The following MYSM1 variants were observed in gnomAD, a reference collection of about 807,000 sequenced individuals.
The protein encoded by MYSM1 is deubiquitinase MYSM1.
In MYSM1, 51 loss-of-function variants were observed where a neutral mutation model predicts 116.0. The observed-to-expected ratio is 0.44, with a 90% CI of 0.35 to 0.56. The LOEUF (loss-of-function observed/expected upper bound fraction) is 0.56. Among genes scored for constraint, MYSM1 ranks in the 20% least tolerant of loss-of-function variants. MYSM1 has a pLI of 0.00. For synonymous variants in MYSM1, 313 were observed against 315.2 expected (o/e 0.99, Z 0.07); for missense variants, 900 against 974.9 (o/e 0.92, Z 1.02).
intron 7 of MYSM1, 67 bp from the exon 8 acceptor site, chr1:58,682,612 A>T: frequency 7.4e-6 from 10 of 1,356,922 alleles, no homozygotes; most frequent in Non-Finnish European, 9.8e-6. Context: ...TGGTACACAC[A>T]AAAAAGGATA....
Position 58,673,673 on chromosome 1 carries a change from C to A in MYSM1, c.1495-23G>T, listed in dbSNP as rs1557512424. On this transcript the variant is annotated intron_variant, in intron 10 of 19. Transcript: ENST00000472487. ...ACGCTGCGATGAGATTAAAGTAAAG[C>A]AAAAGGTAGCAAGATTAATATGGAG... 6 of 1,590,976 alleles carry A rather than the reference C, an allele frequency of 3.8e-6. No individual in the cohort carries two copies. The South Asian group carries it at 6.6e-5, about 18-fold the overall frequency.
At chr1:58,665,468 G>C (rs1180908720) in intron 17 of MYSM1, 31 bp downstream of exon 17, 2 of 1,511,108 alleles carry the variant, frequency 1.3e-6, no homozygotes, top group Non-Finnish European at 1.8e-6. Flanking sequence ...AGAGTAGAAA[G>C]AGGATAAAGT....
intron 17 of MYSM1, among the ~76,000 whole-genome samples, chr1:58,664,779 G>A (rs1458762858): frequency 6.6e-6 from 1 of 152,216 alleles, no homozygotes; most frequent in Non-Finnish European, 1.5e-5. Context: ...TAATGGGGAA[G>A]AGTACAATGT....
intron 17 of MYSM1, among the ~76,000 whole-genome samples, chr1:58,664,571 T>C (rs537894955): frequency 6.6e-6 from 1 of 152,296 alleles, no homozygotes; most frequent in East Asian, 1.9e-4. Flanking sequence ...ATAAAGCAAC[T>C]AATAGTAAAT....
chr1:58,677,199 C>T (rs998851830), intron 8 of MYSM1, 143 bp from the exon 9 acceptor site: 2 of 546,460 alleles, frequency 3.7e-6, no homozygotes, highest in Non-Finnish European at 6.1e-6. Context: ...AATACTAATA[C>T]ATAATACCCA....
chr1:58,657,397 A>G lies in MYSM1; in HGVS notation c.*2600T>C, dbSNP rs978451506. 1 of 152,054 alleles carries G rather than the reference A, an allele frequency of 6.6e-6. No individual in the cohort carries two copies. The highest frequency in any genetic ancestry group is 1.5e-5 in the Non-Finnish European group (1 of 68,014). The allele number at this position is 152,054 out of a possible 1,614,324, so 9.4% of individuals were successfully genotyped here. ...GTTCCTTTGAGACTCTGCCTCCTGAACTTCCTGTATCATAGGCCCCCTCAG... is the reference window on the plus strand; with the variant it reads ...GTTCCTTTGAGACTCTGCCTCCTGAGCTTCCTGTATCATAGGCCCCCTCAG... On this transcript the variant is annotated 3_prime_UTR_variant, in exon 20 of 20. Coordinates refer to ENST00000472487, the MANE Select transcript of MYSM1 (RefSeq NM_001085487.3).
chr1:58,694,671 T>C (rs1486408934), intron 2 of MYSM1, among the ~76,000 whole-genome samples: 2 of 149,306 alleles, frequency 1.3e-5, no homozygotes, highest in East Asian at 1.9e-4. Context: ...GACAATCCCA[T>C]TTTTTTTTTC....
chr1:58,697,621 C>T (rs1373564354), intron 1 of MYSM1, among the ~76,000 whole-genome samples: 7 of 149,626 alleles, frequency 4.7e-5, no homozygotes, highest in African/African-American at 1.5e-4. Context: ...TGGCGTTTTG[C>T]TCTTGTTGCC....
At position 58,682,514 on chromosome 1, in the gene MYSM1, T is replaced by G; in HGVS notation, c.530A>C (p.Asn177Thr). 6.2e-7 allele frequency: 1 copy of G among 1,612,788 alleles called. No homozygotes were observed. Among genetic ancestry groups the G allele is most frequent in the Non-Finnish European group, 8.5e-7 (1 of 1,179,466 alleles). ...TTGAAGATTATGGCCGGTCTTCTGA[T>G]TTGGTGTTTCTTTATCCAGACCGCA... Reference protein sequence around the residue: ...VKCGLDKETPNQKTGHNLQVK... With the variant: ...VKCGLDKETPTQKTGHNLQVK... Residue 177 changes from asparagine (N) to threonine (T), a missense_variant, in exon 8 of 20, where the codon AAT (asparagine) becomes ACT (threonine). Transcript: ENST00000472487.
At chr1:58,683,930 T>TA (rs1644785799) in intron 7 of MYSM1, among the ~76,000 whole-genome samples, 1 of 152,206 alleles carries the variant, frequency 6.6e-6, no homozygotes, top group South Asian at 2.1e-4. Flanking sequence ...TGTATCCTTC[T>TA]ACCCCAGGTC....
chr1:58,661,375 A>T (rs1644389509), intron 18 of MYSM1, 31 bp downstream of exon 18: 9 of 1,377,616 alleles, frequency 6.5e-6, no homozygotes, highest in Non-Finnish European at 9.3e-6. Flanking sequence ...AACACTGCAG[A>T]TGTGCAACCA....
intron 14 of MYSM1, 124 bp downstream of exon 14, chr1:58,668,508 C>G: frequency 7.3e-7 from 1 of 1,372,358 alleles, no homozygotes; most frequent in Non-Finnish European, 9.4e-7. Flanking sequence ...TTTTTAGATT[C>G]CTTGTAAAAG....
At chr1:58,669,836 C>CAAAAAAAAAAAA (rs58828009) in intron 12 of MYSM1, among the ~76,000 whole-genome samples, 1 of 14,610 alleles carries the variant, frequency 6.8e-5, no homozygotes, top group African/African-American at 2.7e-4. Context: ...ACCCTGTCTC[C>CAAAAAAAAAAAA]AAAAAAAAAA....
Position 58,682,303 on chromosome 1 carries a change from T to A in MYSM1, c.741A>T (p.Leu247Phe). ...PQKNSSSDLL[L>F]DFPNSKMHET... Reference sequence around the variant, plus strand: ...CATGCATTTTACTATTAGGAAAGTCTAACAAGAGATCACTGCTAGAATTCT... The same window carrying A: ...CATGCATTTTACTATTAGGAAAGTCAAACAAGAGATCACTGCTAGAATTCT... The change falls in exon 8 of 20, where the codon TTA becomes TTT. Residue 247 changes from leucine to phenylalanine, a missense_variant. Around this residue, in one of 3 missense-constraint regions of MYSM1, gnomAD observed 622 missense variants for 623.7 expected, o/e 1.00. Transcript: ENST00000472487. The A allele has an allele frequency of 6.2e-7, 1 of 1,613,076 alleles. No homozygotes were observed. The highest frequency in any genetic ancestry group is 8.5e-7 in the Non-Finnish European group (1 of 1,179,256).
intron 17 of MYSM1, among the ~76,000 whole-genome samples, chr1:58,664,451 G>A (rs1227913227): frequency 1.3e-5 from 2 of 152,002 alleles, no homozygotes; most frequent in Non-Finnish European, 2.9e-5. Context: ...ATAAGACACA[G>A]TCCCTGCTCT....
intron 2 of MYSM1, among the ~76,000 whole-genome samples, chr1:58,694,487 G>A (rs1320157413): frequency 6.6e-6 from 1 of 152,092 alleles, no homozygotes; most frequent in East Asian, 1.9e-4. Context: ...TGGGCGGGGT[G>A]GCACACGCCT....
At position 58,699,995 on chromosome 1, in the gene MYSM1, C is replaced by G. The variant is rs1025073405; in HGVS notation, c.58G>C (p.Ala20Pro). The change falls in exon 1 of 20, where the codon GCA becomes CCA. Residue 20 changes from alanine to proline, a missense_variant. This residue lies in a region of MYSM1 where 622 missense variants were observed against 623.7 expected (regional missense o/e 1.00). Transcript: ENST00000472487. The part of the protein sequence containing the change: ...IEGDVVAAAG[A>P]QPGSGENTAS... ...GTCTCTAAGCCTCACCCTGGCTGTG[C>G]CCCCGCCGCCGCTACCACGTCCCCT... is the stretch of plus-strand genomic sequence containing the variant. 12 of 1,613,354 alleles carry G rather than the reference C, an allele frequency of 7.4e-6. No homozygotes were observed. The East Asian group carries it at 2.5e-4, about 33-fold the overall frequency.
chr1:58,692,023 G>A (rs2811864), intron 3 of MYSM1, among the ~76,000 whole-genome samples: 6,597 of 152,130 alleles, frequency 0.043, 467 homozygotes, highest in African/African-American at 0.15. Flanking sequence ...TTTCCTTTGT[G>A]TTAAATGAGG....
chr1:58,656,182 T>G lies in MYSM1; in HGVS notation c.*3815A>C, dbSNP rs906920886. The stretch of plus-strand genomic sequence containing the variant: ...CAGTCTCCTCTGTTGGGTTGAGAGC[T>G]GCAGAGGTTCTGACTGTGCTTACAG... On this transcript the variant is annotated 3_prime_UTR_variant, in exon 20 of 20. Transcript: ENST00000472487. The G allele has an allele frequency of 6.6e-6, 1 of 152,264 alleles. No individual in the cohort carries two copies. The highest frequency in any genetic ancestry group is 2.1e-4 in the South Asian group (1 of 4,836). The allele number at this position is 152,264 out of a possible 1,614,324, so 9.4% of individuals were successfully genotyped here.
Sources: allele counts gnomAD v4.1 joint callset (sites outside exome capture counted in the v4.1 genomes callset), GRCh38; gene constraint gnomAD v4.1.1; regional missense constraint gnomAD v4.1.1; transcripts MANE v1.5; gene names NCBI Gene and HGNC (gene_info 2026-07-23, HGNC 2026-07-21).